The following SCYL2 variants were observed in gnomAD, a reference collection of about 807,000 sequenced individuals.
SCYL2 encodes SCY1 like pseudokinase 2.
In SCYL2, 36 loss-of-function variants were observed where a neutral mutation model predicts 100.4. The observed-to-expected ratio is 0.36, with a 90% CI of 0.27 to 0.47. The LOEUF (loss-of-function observed/expected upper bound fraction) is 0.47, where lower values mean the gene tolerates loss of function less well. SCYL2 is among the 20% of genes least tolerant of loss of function. The pLI, the probability that SCYL2 is intolerant of heterozygous loss-of-function variation, is 1.00. For synonymous variants in SCYL2, 330 were observed against 359.2 expected (o/e 0.92, Z 0.92); for missense variants, 902 against 1,083.9 (o/e 0.83, Z 2.36).
chr12:100,284,121 C>G (rs2096301906), intron 2 of SCYL2, among the ~76,000 whole-genome samples: 1 of 152,038 alleles, frequency 6.6e-6, no homozygotes, highest in Non-Finnish European at 1.5e-5. Flanking sequence ...AAGGGGAAAA[C>G]AAAATAACAA....
chr12:100,302,185 G>A (rs2096328570), intron 4 of SCYL2, among the ~76,000 whole-genome samples: 1 of 152,204 alleles, frequency 6.6e-6, no homozygotes, highest in East Asian at 1.9e-4. Flanking sequence ...GAAGGAAGGA[G>A]ACCCTTTTGT....
intron 1 of SCYL2, among the ~76,000 whole-genome samples, chr12:100,279,119 T>C (rs2096295539): frequency 6.6e-6 from 1 of 152,210 alleles, no homozygotes; most frequent in Non-Finnish European, 1.5e-5. Context: ...CCAACCTTTT[T>C]GGCACCAGGG....
At chr12:100,279,781 G>A (rs2096296166) in intron 1 of SCYL2, among the ~76,000 whole-genome samples, 1 of 152,194 alleles carries the variant, frequency 6.6e-6, no homozygotes. Context: ...TTGCAGCCTT[G>A]TGTGAACTTT....
chr12:100,282,366 C>A lies in SCYL2; in HGVS notation c.-28-577C>A, dbSNP rs1156730437. 3.2e-5 allele frequency among the ~76,000 whole-genome samples: 4 copies of A among 123,802 alleles called. No individual in the cohort carries two copies. In the East Asian group the frequency reaches 8.2e-4, roughly 25 times the overall value. The allele number at this position is 123,802 out of a possible 152,430, so 81.2% of individuals were successfully genotyped here. On this transcript the variant is annotated intron_variant, in intron 1 of 17. Coordinates refer to ENST00000360820, the MANE Select transcript of SCYL2 (RefSeq NM_017988.6). ...TTTGAGATGCAGTCTCACTCTGTCACCAAGGCTGGAGTGCTGTGGCGCAAT... is the reference window on the plus strand; with the variant it reads ...TTTGAGATGCAGTCTCACTCTGTCAACAAGGCTGGAGTGCTGTGGCGCAAT...
intron 4 of SCYL2, among the ~76,000 whole-genome samples, chr12:100,303,638 C>T (rs1256937194): frequency 6.6e-6 from 1 of 152,168 alleles, no homozygotes; most frequent in East Asian, 1.9e-4. Flanking sequence ...GAAGCTTTGT[C>T]CTAGAGAGGC....
intron 3 of SCYL2, among the ~76,000 whole-genome samples, chr12:100,293,748 T>TAA (rs2096313425): frequency 6.6e-6 from 1 of 152,098 alleles, no homozygotes; most frequent in African/African-American, 2.4e-5. Context: ...GCATGCTGCC[T>TAA]TCAAGCATCT....
chr12:100,318,483 A>T (rs1015676250), intron 10 of SCYL2, among the ~76,000 whole-genome samples: 7 of 151,876 alleles, frequency 4.6e-5, no homozygotes, highest in African/African-American at 2.4e-5. Flanking sequence ...GGTGCCTGTC[A>T]CCACACCCGG....
At chr12:100,303,168 A>G (rs2096329843) in intron 4 of SCYL2, among the ~76,000 whole-genome samples, 1 of 152,094 alleles carries the variant, frequency 6.6e-6, no homozygotes, top group African/African-American at 2.4e-5. Context: ...CAAGGTTCCT[A>G]GCTTCCTTGC....
chr12:100,330,656 AC>A (rs1480177386), intron 13 of SCYL2, among the ~76,000 whole-genome samples: 2 of 152,286 alleles, frequency 1.3e-5, no homozygotes, highest in East Asian at 3.9e-4. Context: ...AGAGTGAATT[AC>A]AGCAATGAGG....
At chr12:100,303,584 G>A (rs753637210) in intron 4 of SCYL2, among the ~76,000 whole-genome samples, 6 of 152,168 alleles carry the variant, frequency 3.9e-5, no homozygotes, top group South Asian at 2.1e-4. Context: ...TATCACCAGC[G>A]GACGCTGCAG....
intron 10 of SCYL2, among the ~76,000 whole-genome samples, chr12:100,320,549 AAAATAAATAAAT>A (rs10644195): frequency 0.045 from 6,277 of 139,774 alleles, 166 homozygotes; most frequent in South Asian, 0.088. Flanking sequence ...CTCCGTCTCA[AAAATAAATAAAT>A]AAATAAATAA....
intron 1 of SCYL2, among the ~76,000 whole-genome samples, chr12:100,277,418 T>A (rs1376927028): frequency 6.6e-6 from 1 of 152,244 alleles, no homozygotes; most frequent in African/African-American, 2.4e-5. Context: ...CACTTTTTGC[T>A]GCATTTATTT....
chr12:100,309,133 T>TGTGTGTGTGTGTGTGC (rs1442815826), intron 4 of SCYL2, among the ~76,000 whole-genome samples: 2 of 150,016 alleles, frequency 1.3e-5, no homozygotes, highest in African/African-American at 5.0e-5. Flanking sequence ...TGTGTGTGTG[T>TGTGTGTGTGTGTGTGC]GCGCGCGCGT....
intron 10 of SCYL2, among the ~76,000 whole-genome samples, chr12:100,321,417 T>G (rs1316023124): frequency 6.6e-6 from 1 of 152,214 alleles, no homozygotes; most frequent in Admixed American, 6.5e-5. Flanking sequence ...ATGTGTGTAC[T>G]TTAGCCAGTT....
rs140387429 is a variant in SCYL2, at chr12:100,323,549, A to G, written c.1420A>G (p.Thr474Ala). The change falls in exon 11 of 18, where the codon ACC (threonine) becomes GCC (alanine). Residue 474 changes from threonine (T) to alanine (A), a missense_variant. Physicochemically the swap from Thr to Ala is moderately conservative, Grantham distance 58. Coordinates refer to ENST00000360820, the MANE Select transcript of SCYL2 (RefSeq NM_017988.6). ...GGAGCTCTGTCTAAACATCATTCCA[A>G]CCTTTGCAAATCTTATAGACTACCC... ...IQELCLNIIP[T>A]FANLIDYPSM... 2.5e-4 allele frequency: 402 copies of G among 1,597,290 alleles called. No individual in the cohort carries two copies. The highest frequency in any genetic ancestry group is 3.3e-4 in the Non-Finnish European group (385 of 1,168,768).
chr12:100,338,392 C>T, intron 17 of SCYL2, 136 bp from the exon 18 acceptor site: 1 of 633,076 alleles, frequency 1.6e-6, no homozygotes, highest in Non-Finnish European at 2.5e-6. Context: ...GACCGGCAGG[C>T]TATAGTTTGC....
At chr12:100,319,870 A>T (rs2135914746) in intron 10 of SCYL2, among the ~76,000 whole-genome samples, 1 of 152,386 alleles carries the variant, frequency 6.6e-6, no homozygotes, top group African/African-American at 2.4e-5. Context: ...CTTTTCCTCC[A>T]GGTTCTTGCA....
intron 3 of SCYL2, among the ~76,000 whole-genome samples, chr12:100,292,864 C>T (rs1304198144): frequency 6.6e-6 from 1 of 152,202 alleles, no homozygotes; most frequent in Non-Finnish European, 1.5e-5. Flanking sequence ...GTTGCCCAAG[C>T]TGGATTACAG....
At chr12:100,302,659 C>A (rs1339933907) in intron 4 of SCYL2, among the ~76,000 whole-genome samples, 1 of 152,122 alleles carries the variant, frequency 6.6e-6, no homozygotes, top group Non-Finnish European at 1.5e-5. Flanking sequence ...TTGTGGGTAA[C>A]CCGACCTTTC....
Sources: gnomAD v4.1 joint callset for allele counts (sites outside exome capture counted in the v4.1 genomes callset) on GRCh38, gnomAD v4.1.1 for gene constraint, MANE v1.5 for transcripts, NCBI Gene and HGNC (gene_info 2026-07-23, HGNC 2026-07-21) for gene names.